Variants in SLC18A2 observed in about 807,000 individuals in gnomAD.
SLC18A2 encodes the protein solute carrier family 18 member A2, also known as synaptic vesicular amine transporter.
SLC18A2 carries 33 observed loss-of-function variants against 59.2 expected under a neutral mutation model. The ratio of observed to expected loss-of-function variants is 0.56; its 90% CI spans 0.42 to 0.75. SLC18A2 has a LOEUF of 0.75. Ranked by LOEUF, SLC18A2 falls within the 30% of genes least tolerant of loss-of-function variation. SLC18A2 has a pLI of 0.00. For missense variants in SLC18A2, 569 were observed against 668.6 expected (o/e 0.85, Z 1.64); for synonymous variants, 228 against 253.5 (o/e 0.90, Z 0.95).
intron 3 of SLC18A2, among the ~76,000 whole-genome samples, chr10:117,245,380 AGGCT>A (rs1339852764): frequency 2.6e-5 from 4 of 152,178 alleles, no homozygotes; most frequent in African/African-American, 9.7e-5. Flanking sequence ...GGGCTGGGCT[AGGCT>A]GTAAGAGGCC....
chr10:117,275,903 G>A (rs1334015726), intron 15 of SLC18A2, among the ~76,000 whole-genome samples: 5 of 152,096 alleles, frequency 3.3e-5, no homozygotes, highest in Admixed American at 6.5e-5. Context: ...CCAGGATTGG[G>A]GACAGGCGGT....
intron 15 of SLC18A2, among the ~76,000 whole-genome samples, 159 bp from the exon 16 acceptor site, chr10:117,277,003 T>C (rs1298174866): frequency 6.6e-6 from 1 of 152,124 alleles, no homozygotes; most frequent in Non-Finnish European, 1.5e-5. Context: ...GAACTACAGG[T>C]CTTTTAGGTC....
chr10:117,257,179 C>T (rs363220), intron 9 of SLC18A2, among the ~76,000 whole-genome samples: 104,449 of 152,086 alleles, frequency 0.69, 37,559 homozygotes, highest in Middle Eastern at 0.84. Context: ...GTTCCCAGAA[C>T]GATGGAGAAC....
intron 3 of SLC18A2, among the ~76,000 whole-genome samples, chr10:117,251,495 AT>A (rs1191030298): frequency 6.6e-6 from 1 of 152,090 alleles, no homozygotes; most frequent in Non-Finnish European, 1.5e-5. Flanking sequence ...GGTTTACCCA[AT>A]TTGCTTGGGG....
intron 15 of SLC18A2, among the ~76,000 whole-genome samples, chr10:117,274,155 A>G (rs1405247894): frequency 2.0e-5 from 3 of 152,194 alleles, no homozygotes; most frequent in East Asian, 3.8e-4. Context: ...TTATTTGTGT[A>G]TAACTTTTTT....
At chr10:117,273,960 A>G (rs57986234) in intron 15 of SLC18A2, among the ~76,000 whole-genome samples, 11,061 of 152,158 alleles carry the variant, frequency 0.073, 680 homozygotes, top group African/African-American at 0.17. Context: ...ATCCTCTCCT[A>G]TTGATTTTCT....
intron 2 of SLC18A2, among the ~76,000 whole-genome samples, chr10:117,243,432 C>T (rs541237290): frequency 6.6e-6 from 1 of 152,264 alleles, no homozygotes; most frequent in South Asian, 2.1e-4. Context: ...TTCTCAGGGC[C>T]GTTGGGGGCA....
Position 117,255,635 on chromosome 10 carries a change from C to T in SLC18A2, c.873C>T (p.Asp291=). 6.2e-7 allele frequency: 1 copy of T among 1,613,776 alleles called. No homozygotes were observed. The highest frequency in any genetic ancestry group is 1.1e-5 in the South Asian group (1 of 91,070). The change falls in exon 9 of 16, where the codon GAC becomes GAT. Residue 291 remains aspartate, a synonymous_variant. Coordinates refer to ENST00000644641, the MANE Select transcript of SLC18A2 (RefSeq NM_003054.6). ...CACCCCTAACCACGCTGCTGAAGGACCCGTACATCCTCATTGCTGCAGGTG... is the reference window on the plus strand; with the variant it reads ...CACCCCTAACCACGCTGCTGAAGGATCCGTACATCCTCATTGCTGCAGGTG... ...KGTPLTTLLK[D]PYILIAAGSI...
At chr10:117,260,503 A>AG (rs1161973199) in intron 10 of SLC18A2, among the ~76,000 whole-genome samples, 1 of 152,172 alleles carries the variant, frequency 6.6e-6, no homozygotes, top group Non-Finnish European at 1.5e-5. Flanking sequence ...TGGGGGCGGA[A>AG]GGGGGCATAG....
intron 10 of SLC18A2, among the ~76,000 whole-genome samples, chr10:117,263,702 T>TA (rs1844318961): frequency 6.6e-6 from 1 of 152,134 alleles, no homozygotes; most frequent in Admixed American, 6.5e-5. Flanking sequence ...CTTAGGGACT[T>TA]ACAGTTTGGG....
intron 10 of SLC18A2, among the ~76,000 whole-genome samples, chr10:117,261,322 C>T (rs1488356229): frequency 1.3e-5 from 2 of 152,204 alleles, no homozygotes; most frequent in East Asian, 1.9e-4. Context: ...TACCTGAGCC[C>T]AGGAGACAGA....
intron 10 of SLC18A2, among the ~76,000 whole-genome samples, chr10:117,263,717 G>A (rs970700791): frequency 6.6e-6 from 1 of 152,162 alleles, no homozygotes; most frequent in Non-Finnish European, 1.5e-5. Flanking sequence ...TTTGGGGTGA[G>A]GCCTACAAGC....
rs760585747 is a variant in SLC18A2, at chr10:117,270,126, C to T, written c.1242C>T (p.His414=). The T allele has an allele frequency of 4.3e-6, 7 of 1,614,204 alleles. No individual in the cohort carries two copies. The highest frequency in any genetic ancestry group is 4.0e-5 in the African/African-American group (3 of 75,042). ...TGGGCTACCTCGTAGACCTGCGGCA[C>T]GTGTCCGTCTATGGGAGTGTGTACG... ...PIMGYLVDLR[H]VSVYGSVYAI... Residue 414 remains histidine, a synonymous_variant, in exon 14 of 16, where the codon CAC becomes CAT. Transcript: ENST00000644641.
intron 10 of SLC18A2, among the ~76,000 whole-genome samples, chr10:117,263,086 G>A (rs1413619741): frequency 1.3e-5 from 2 of 152,106 alleles, no homozygotes; most frequent in South Asian, 2.1e-4. Flanking sequence ...TTCCACCACC[G>A]AGGTTCCTCC....
chr10:117,254,564 C>G, intron 6 of SLC18A2, 67 bp downstream of exon 6: 1 of 1,178,302 alleles, frequency 8.5e-7, no homozygotes, highest in Non-Finnish European at 1.2e-6. Flanking sequence ...AGCGGCAGTC[C>G]TCGCCCAGTG....
chr10:117,254,878 T>C (rs980755950), intron 6 of SLC18A2, among the ~76,000 whole-genome samples: 3 of 152,190 alleles, frequency 2.0e-5, no homozygotes, highest in African/African-American at 7.2e-5. Flanking sequence ...ACAAACATCT[T>C]CCCTGAGAGG....
rs565180542 is a variant in SLC18A2 at position 117,261,757 on chromosome 10, G to A, written c.991+3865G>A. 5.3e-5 allele frequency among the ~76,000 whole-genome samples: 8 copies of A among 152,284 alleles called. No individual in the cohort carries two copies. The East Asian group carries it at 5.8e-4, about 11-fold the overall frequency. ...AATACCTAAAAAGTCCCAAATGGCCGGGGGAGAGGGGGTAAGGATGGAGAG... is the reference window on the plus strand; with the variant it reads ...AATACCTAAAAAGTCCCAAATGGCCAGGGGAGAGGGGGTAAGGATGGAGAG... On this transcript the variant is annotated intron_variant, in intron 10 of 15. Transcript: ENST00000644641.
chr10:117,241,143 G>A lies in SLC18A2; in HGVS notation c.-93G>A, dbSNP rs1458883514. 2 of 151,828 alleles carry A rather than the reference G, an allele frequency of 1.3e-5. No homozygotes were observed. Among genetic ancestry groups the A allele is most frequent in the Admixed American group, 6.6e-5 (1 of 15,246 alleles). 9.4% of individuals were successfully genotyped at this position (151,828 alleles called of 1,614,324 possible). The stretch of plus-strand genomic sequence containing the variant: ...CGGAGACTGCGACCCGGAGCCGCCC[G>A]GACTGACGGAGCCCACTGCGGTGCG... On this transcript the variant is annotated 5_prime_UTR_variant, in exon 1 of 16. Coordinates refer to ENST00000644641, the MANE Select transcript of SLC18A2 (RefSeq NM_003054.6).
intron 3 of SLC18A2, among the ~76,000 whole-genome samples, chr10:117,252,216 T>C (rs1844170978): frequency 7.3e-6 from 1 of 137,262 alleles, no homozygotes; most frequent in East Asian, 2.3e-4. Flanking sequence ...ACTCCTGAGC[T>C]CAGGTGATCC....
Sources: allele counts gnomAD v4.1 joint callset (sites outside exome capture counted in the v4.1 genomes callset), GRCh38; gene constraint gnomAD v4.1.1; transcripts MANE v1.5; gene names NCBI Gene and HGNC (gene_info 2026-07-23, HGNC 2026-07-21).